Variants in SNX29 observed in about 807,000 individuals in gnomAD.
The protein encoded by SNX29 is sorting nexin-29.
Under a neutral mutation model 102.1 loss-of-function variants are expected in SNX29, and 78 were observed. That is an observed-to-expected ratio of 0.76 (90% CI 0.64 to 0.92). The LOEUF (loss-of-function observed/expected upper bound fraction) is 0.92. Ranked by LOEUF, SNX29 falls within the 40% of genes least tolerant of loss-of-function variation. The pLI is 0.00. For missense variants in SNX29, 1,280 were observed against 1,061.7 expected, an observed-to-expected ratio of 1.21 and a Z score of -2.86; for synonymous variants, 580 against 414.5, an observed-to-expected ratio of 1.40 and a Z score of -4.85.
chr16:12,343,343 A>G (rs2081671612), intron 15 of SNX29, among the ~76,000 whole-genome samples: 1 of 152,234 alleles, frequency 6.6e-6, no homozygotes, highest in Non-Finnish European at 1.5e-5. Context: ...ACGGTACTAA[A>G]TAACTTCTGT....
intron 18 of SNX29, among the ~76,000 whole-genome samples, chr16:12,430,993 G>A (rs1004886884): frequency 9.2e-5 from 14 of 151,982 alleles, no homozygotes; most frequent in African/African-American, 3.4e-4. Flanking sequence ...GCAGGGATTA[G>A]AGGCACCTGC....
At chr16:12,527,464 T>G (rs935733754) in intron 20 of SNX29, 15 of 428,990 alleles carry the variant, frequency 3.5e-5, no homozygotes, top group Non-Finnish European at 6.2e-5. Context: ...AAATGTTGAT[T>G]TAGGATCCAA....
chr16:12,373,495 C>T (rs1400385890), intron 16 of SNX29, among the ~76,000 whole-genome samples: 1 of 152,180 alleles, frequency 6.6e-6, no homozygotes, highest in Non-Finnish European at 1.5e-5. Flanking sequence ...AGGTTTTAAA[C>T]AGTAAATGCC....
intron 19 of SNX29, among the ~76,000 whole-genome samples, chr16:12,510,644 G>T (rs1310240529): frequency 1.3e-5 from 2 of 152,130 alleles, no homozygotes; most frequent in East Asian, 3.9e-4. Flanking sequence ...CTGCACTCCA[G>T]CCTGGGCGAC....
intron 5 of SNX29, 103 bp from the exon 6 acceptor site, chr16:12,046,281 A>G: frequency 8.9e-7 from 1 of 1,118,508 alleles, no homozygotes; most frequent in Admixed American, 2.0e-5. Flanking sequence ...TCTTGGGGTG[A>G]CCAGGTGCAG....
intron 20 of SNX29, among the ~76,000 whole-genome samples, chr16:12,567,126 C>A (rs1474702878): frequency 6.6e-6 from 1 of 152,358 alleles, no homozygotes; most frequent in South Asian, 2.1e-4. Context: ...TCTTAACTCA[C>A]ATGATTTGTG....
intron 14 of SNX29, among the ~76,000 whole-genome samples, chr16:12,245,980 TGA>T (rs1403778597): frequency 5.8e-4 from 89 of 152,308 alleles, no homozygotes; most frequent in South Asian, 4.1e-4. Context: ...CAATGCTTAA[TGA>T]GTAGGTTTTT....
chr16:12,436,516 C>A (rs1424283444), intron 18 of SNX29, among the ~76,000 whole-genome samples: 2 of 152,226 alleles, frequency 1.3e-5, no homozygotes, highest in East Asian at 3.9e-4. Flanking sequence ...GCATTCATAC[C>A]CCTGACTGCT....
intron 15 of SNX29, among the ~76,000 whole-genome samples, chr16:12,280,382 T>C (rs1312262355): frequency 1.3e-5 from 2 of 152,102 alleles, no homozygotes; most frequent in African/African-American, 4.8e-5. Context: ...GATCAGGTCA[T>C]GTGGGGAGTT....
intron 13 of SNX29, among the ~76,000 whole-genome samples, chr16:12,196,617 T>C (rs1209967215): frequency 1.9e-4 from 20 of 107,360 alleles, no homozygotes; most frequent in African/African-American, 5.2e-4. Flanking sequence ...TCTTTTTTCT[T>C]TTTTCTTTTT....
At chr16:12,479,470 G>A (rs1268214480) in intron 19 of SNX29, among the ~76,000 whole-genome samples, 1 of 152,098 alleles carries the variant, frequency 6.6e-6, no homozygotes. Context: ...AGGTCTGCTC[G>A]ATTTGAACAT....
chr16:12,215,815 G>A (rs1440627304), intron 14 of SNX29, among the ~76,000 whole-genome samples: 1 of 152,170 alleles, frequency 6.6e-6, no homozygotes, highest in Non-Finnish European at 1.5e-5. Flanking sequence ...TGCCTGTGGA[G>A]CCAATTAAGC....
intron 11 of SNX29, among the ~76,000 whole-genome samples, chr16:12,122,785 C>T (rs999536994): frequency 6.6e-6 from 1 of 152,054 alleles, no homozygotes; most frequent in African/African-American, 2.4e-5. Context: ...TGAGGCCGGG[C>T]TCCAACTTTT....
At chr16:12,510,422 C>G (rs1469365886) in intron 19 of SNX29, among the ~76,000 whole-genome samples, 1 of 152,104 alleles carries the variant, frequency 6.6e-6, no homozygotes, top group Non-Finnish European at 1.5e-5. Flanking sequence ...GCCTATACAA[C>G]CAGCACTTTG....
intron 11 of SNX29, 82 bp downstream of exon 11, chr16:12,078,997 C>T: frequency 1.6e-6 from 2 of 1,249,544 alleles, no homozygotes; most frequent in Non-Finnish European, 1.1e-6. Context: ...GTGCTTCTAA[C>T]CCTGTGACTG....
At chr16:12,040,342 C>T (rs1256795562) in intron 4 of SNX29, among the ~76,000 whole-genome samples, 1 of 152,092 alleles carries the variant, frequency 6.6e-6, no homozygotes. Context: ...GCCTGGGTGA[C>T]AGAGGGAGAG....
intron 20 of SNX29, among the ~76,000 whole-genome samples, chr16:12,557,082 C>G (rs1447269415): frequency 1.3e-5 from 2 of 149,694 alleles, no homozygotes; most frequent in African/African-American, 4.9e-5. Context: ...CTGCCAGGCT[C>G]AAGCCATCTA....
chr16:12,390,996 G>T (rs868432233), intron 16 of SNX29, among the ~76,000 whole-genome samples: 1 of 152,122 alleles, frequency 6.6e-6, no homozygotes, highest in Middle Eastern at 3.4e-3. Context: ...CCATGGCTGG[G>T]GTGCAGTGGC....
chr16:12,453,397 ACCC>A, intron 18 of SNX29, among the ~76,000 whole-genome samples: 1 of 152,182 alleles, frequency 6.6e-6, no homozygotes, highest in Non-Finnish European at 1.5e-5. Context: ...TGGCGGTGTG[ACCC>A]TGGGCACATC....
Sources: gnomAD v4.1 joint callset for allele counts (sites outside exome capture counted in the v4.1 genomes callset) on GRCh38, gnomAD v4.1.1 for gene constraint, MANE v1.5 for transcripts, NCBI Gene and HGNC (gene_info 2026-07-23, HGNC 2026-07-21) for gene names.